Variants in NEGR1 observed in about 807,000 individuals in gnomAD.
NEGR1 encodes the protein neuronal growth regulator 1.
A neutral mutation model predicts 40.9 loss-of-function variants in NEGR1; 10 were observed. The ratio of observed to expected loss-of-function variants is 0.24; its 90% CI spans 0.15 to 0.42. The LOEUF (loss-of-function observed/expected upper bound fraction) is 0.42, where lower values mean the gene tolerates loss of function less well. Ranked by LOEUF, NEGR1 falls within the 10% of genes least tolerant of loss-of-function variation. The probability of loss-of-function intolerance (pLI) is 1.00; values close to 1 mark genes in which losing one functional copy is unlikely to be tolerated. For synonymous variants in NEGR1, 185 were observed against 166.8 expected (o/e 1.11, Z -0.84); for missense variants, 352 against 438.9 (o/e 0.80, Z 1.77).
chr1:72,133,607 T>A (rs74087160), intron 1 of NEGR1, among the ~76,000 whole-genome samples: 1 of 151,962 alleles, frequency 6.6e-6, no homozygotes, highest in African/African-American at 2.4e-5. Flanking sequence ...TCCCTCATAT[T>A]TGAACTAAAA....
chr1:71,753,156 T>A (rs1156368942), intron 3 of NEGR1, among the ~76,000 whole-genome samples: 1 of 152,106 alleles, frequency 6.6e-6, no homozygotes, highest in Non-Finnish European at 1.5e-5. Flanking sequence ...TATAGGTATT[T>A]TTTGAGGTTT....
intron 1 of NEGR1, among the ~76,000 whole-genome samples, chr1:72,118,023 C>T (rs539211315): frequency 1.3e-5 from 2 of 151,938 alleles, no homozygotes; most frequent in African/African-American, 4.8e-5. Flanking sequence ...CTGGAATTCT[C>T]TTTGGGCAAG....
chr1:71,728,486 C>A (rs757955017), intron 3 of NEGR1, among the ~76,000 whole-genome samples: 3 of 152,066 alleles, frequency 2.0e-5, no homozygotes, highest in Non-Finnish European at 4.4e-5. Flanking sequence ...ACAGACTTAC[C>A]CCATTAGAAC....
chr1:71,609,825 TA>T (rs1650195591), intron 5 of NEGR1, among the ~76,000 whole-genome samples: 1 of 152,198 alleles, frequency 6.6e-6, no homozygotes, highest in Non-Finnish European at 1.5e-5. Flanking sequence ...ATCCTGAATT[TA>T]ATTTGAATTG....
At chr1:71,781,937 A>C (rs1423056024) in intron 2 of NEGR1, among the ~76,000 whole-genome samples, 2 of 152,156 alleles carry the variant, frequency 1.3e-5, no homozygotes, top group African/African-American at 2.4e-5. Context: ...TACCTCAAAA[A>C]TTTACCACAA....
At chr1:72,031,943 A>C (rs1646862181) in intron 1 of NEGR1, among the ~76,000 whole-genome samples, 1 of 152,244 alleles carries the variant, frequency 6.6e-6, no homozygotes, top group Admixed American at 6.5e-5. Context: ...CATTTTGAAA[A>C]AATAATCTCC....
intron 4 of NEGR1, among the ~76,000 whole-genome samples, chr1:71,683,979 T>C (rs960971660): frequency 2.6e-5 from 4 of 152,194 alleles, no homozygotes; most frequent in African/African-American, 4.8e-5. Context: ...ATACAAGATT[T>C]AAAATGCGGG....
intron 1 of NEGR1, 46 bp downstream of exon 1, chr1:72,282,273 G>A (rs534244724): frequency 1.2e-6 from 2 of 1,606,624 alleles, no homozygotes; most frequent in Non-Finnish European, 1.7e-6. Context: ...AAGAGAGACA[G>A]AAAGATAGAC....
At chr1:71,540,421 A>C (rs1647652895) in intron 6 of NEGR1, among the ~76,000 whole-genome samples, 1 of 151,780 alleles carries the variant, frequency 6.6e-6, no homozygotes, top group South Asian at 2.1e-4. Flanking sequence ...ATACCTAGAA[A>C]ACCCTCATTA....
chr1:71,527,035 C>A (rs1647224952), intron 6 of NEGR1, among the ~76,000 whole-genome samples: 1 of 151,566 alleles, frequency 6.6e-6, no homozygotes, highest in Non-Finnish European at 1.5e-5. Context: ...TGAATCACAT[C>A]CTCTAGAAAG....
At chr1:71,551,290 C>A (rs1400147604) in intron 6 of NEGR1, among the ~76,000 whole-genome samples, 1 of 151,546 alleles carries the variant, frequency 6.6e-6, no homozygotes, top group Non-Finnish European at 1.5e-5. Flanking sequence ...ATCATAATTT[C>A]TCTTACTGTT....
intron 5 of NEGR1, among the ~76,000 whole-genome samples, chr1:71,601,411 G>C (rs184875466): frequency 1.3e-5 from 2 of 152,322 alleles, no homozygotes; most frequent in East Asian, 3.9e-4. Context: ...ACACTATGGA[G>C]ATGTCTCAAA....
At chr1:71,882,873 T>C (rs760318237) in intron 2 of NEGR1, among the ~76,000 whole-genome samples, 4 of 152,112 alleles carry the variant, frequency 2.6e-5, no homozygotes, top group Non-Finnish European at 4.4e-5. Flanking sequence ...CTTCTGAAGC[T>C]CTGCTATTTC....
intron 1 of NEGR1, among the ~76,000 whole-genome samples, chr1:71,970,266 G>A (rs866623328): frequency 2.8e-4 from 42 of 152,242 alleles, no homozygotes; most frequent in African/African-American, 9.9e-4. Flanking sequence ...AGCTGGAGAC[G>A]CAAGGAAGGG....
At chr1:71,600,837 C>T (rs542292770) in intron 5 of NEGR1, among the ~76,000 whole-genome samples, 12 of 152,238 alleles carry the variant, frequency 7.9e-5, no homozygotes, top group East Asian at 3.9e-4. Context: ...ACGATCATTA[C>T]GCATTTTAAA....
intron 6 of NEGR1, among the ~76,000 whole-genome samples, chr1:71,475,169 C>T (rs1446226152): frequency 1.3e-5 from 2 of 151,998 alleles, no homozygotes; most frequent in African/African-American, 4.8e-5. Flanking sequence ...CATTAACATT[C>T]ATTAAGCCTG....
intron 1 of NEGR1, among the ~76,000 whole-genome samples, chr1:72,044,683 T>C (rs1425231567): frequency 6.6e-6 from 1 of 151,866 alleles, no homozygotes; most frequent in Non-Finnish European, 1.5e-5. Context: ...TAAATTGTCC[T>C]ATAAGCAAAT....
intron 3 of NEGR1, among the ~76,000 whole-genome samples, chr1:71,739,827 T>C (rs1655159913): frequency 6.6e-6 from 1 of 152,180 alleles, no homozygotes; most frequent in Non-Finnish European, 1.5e-5. Context: ...AAAGCATGTC[T>C]CTACTTAGAT....
intron 1 of NEGR1, among the ~76,000 whole-genome samples, chr1:72,186,534 A>T (rs978897498): frequency 6.6e-6 from 1 of 151,634 alleles, no homozygotes; most frequent in Non-Finnish European, 1.5e-5. Context: ...GTCTCAGTTT[A>T]ACTACTTACT....
Sources: allele counts gnomAD v4.1 joint callset (sites outside exome capture counted in the v4.1 genomes callset), GRCh38; gene constraint gnomAD v4.1.1; transcripts MANE v1.5; gene names NCBI Gene and HGNC (gene_info 2026-07-23, HGNC 2026-07-21).